The following KDM2B variants were observed in gnomAD, a reference collection of about 807,000 sequenced individuals.
The protein encoded by KDM2B is lysine-specific demethylase 2B.
KDM2B carries 26 observed loss-of-function variants against 150.0 expected under a neutral mutation model. That is an observed-to-expected ratio of 0.17 (90% confidence interval 0.13 to 0.24). The LOEUF (loss-of-function observed/expected upper bound fraction) is 0.24, where lower values mean the gene tolerates loss of function less well. Among genes scored for constraint, KDM2B ranks in the 10% least tolerant of loss-of-function variants. The probability of loss-of-function intolerance (pLI) is 1.00; values close to 1 mark genes in which losing one functional copy is unlikely to be tolerated. For synonymous variants in KDM2B, 734 were observed against 729.5 expected, an observed-to-expected ratio of 1.01 and a Z score of -0.10; for missense variants, 1,265 against 1,816.9, an observed-to-expected ratio of 0.70 and a Z score of 5.52.
intron 12 of KDM2B, among the ~76,000 whole-genome samples, chr12:121,470,867 G>C (rs782003762): frequency 1.3e-5 from 2 of 152,236 alleles, no homozygotes; most frequent in Non-Finnish European, 2.9e-5. Context: ...TAGCCAGGTT[G>C]CTGTCTGATC....
intron 12 of KDM2B, among the ~76,000 whole-genome samples, chr12:121,482,178 C>T (rs1259764612): frequency 6.6e-6 from 1 of 152,124 alleles, no homozygotes; most frequent in Non-Finnish European, 1.5e-5. Context: ...GTCAGGTGAA[C>T]GTAGTCTTGA....
the KDM2B span, among the ~76,000 whole-genome samples, chr12:121,419,580 G>A: frequency 7.2e-6 from 1 of 139,478 alleles, no homozygotes; most frequent in East Asian, 2.1e-4. Context: ...GGCAATCAGG[G>A]TGGAATATTT....
chr12:121,458,275 C>A (rs1397398414), intron 12 of KDM2B, among the ~76,000 whole-genome samples: 3 of 152,088 alleles, frequency 2.0e-5, no homozygotes, highest in Admixed American at 1.3e-4. Flanking sequence ...ACTCAGGAGG[C>A]TGAAGCTGGA....
chr12:121,543,079 G>C (rs2141848735), intron 6 of KDM2B, among the ~76,000 whole-genome samples: 1 of 152,336 alleles, frequency 6.6e-6, no homozygotes, highest in Non-Finnish European at 1.5e-5. Flanking sequence ...CCGGCGCAGT[G>C]GGTCATGGGT....
the KDM2B span, chr12:121,420,289 C>A: frequency 6.3e-7 from 1 of 1,592,946 alleles, no homozygotes; most frequent in African/African-American, 1.4e-5. Flanking sequence ...ATGATGACGA[C>A]GATGATGAGG....
downstream of KDM2B, among the ~76,000 whole-genome samples, chr12:121,428,098 GAGTT>G (rs1872601214): frequency 6.6e-6 from 1 of 152,188 alleles, no homozygotes; most frequent in Non-Finnish European, 1.5e-5. Flanking sequence ...GTGGATTCCT[GAGTT>G]AAATTCTGGG....
intron 22 of KDM2B, among the ~76,000 whole-genome samples, chr12:121,438,864 C>CTT (rs1555287415): frequency 1.3e-5 from 2 of 150,826 alleles, no homozygotes; most frequent in African/African-American, 4.9e-5. Context: ...TTCTTTTTCT[C>CTT]TTTCTTTTTT....
the KDM2B span, chr12:121,417,917 A>AG: frequency 4.3e-6 from 7 of 1,611,434 alleles, no homozygotes; most frequent in Non-Finnish European, 5.9e-6. The surrounding 1 kb of genome is among the most constrained non-coding windows in gnomAD (Gnocchi z 5.0). Context: ...CACAGGTACG[A>AG]GGGGGTAACT....
chr12:121,440,672 G>T, intron 21 of KDM2B, 144 bp downstream of exon 21: 2 of 806,392 alleles, frequency 2.5e-6, no homozygotes. Context: ...GATCCCCTCT[G>T]TGCCTGAAGC....
At chr12:121,565,142 A>G (rs1260923328) in intron 4 of KDM2B, among the ~76,000 whole-genome samples, 1 of 148,872 alleles carries the variant, frequency 6.7e-6, no homozygotes, top group African/African-American at 2.5e-5. Flanking sequence ...CTGAAAAGGA[A>G]ATCTTGGAAA....
At chr12:121,460,328 G>A (rs1555293565) in intron 12 of KDM2B, among the ~76,000 whole-genome samples, 1 of 152,230 alleles carries the variant, frequency 6.6e-6, no homozygotes. Flanking sequence ...TAACATCTAG[G>A]TTGAGGCAGG....
chr12:121,516,721 G>C (rs1228684464), intron 9 of KDM2B: 9 of 633,952 alleles, frequency 1.4e-5, no homozygotes, highest in Non-Finnish European at 2.5e-5. Context: ...CTTCCTCGGA[G>C]GTCCAAGTCA....
intron 11 of KDM2B, among the ~76,000 whole-genome samples, chr12:121,506,442 G>A (rs1004875008): frequency 7.2e-5 from 11 of 152,050 alleles, no homozygotes; most frequent in Admixed American, 3.3e-4. Context: ...CACTAGCAGC[G>A]GTCCCAATTT....
Position 121,442,734 on chromosome 12 carries a change from T to TG in KDM2B, c.2706dup (p.Lys903GlnfsTer76). 5 of 1,562,058 alleles carry TG rather than the reference T, an allele frequency of 3.2e-6. No homozygotes were observed. The highest frequency in any genetic ancestry group is 4.3e-6 in the Non-Finnish European group (5 of 1,158,254). ...CGGGAGTGGTCGCTCTCCCTGGTCT[T>TG]GGGGGGCGCCTCGGGCAGTTCGTCC... is the stretch of plus-strand genomic sequence containing the variant. On this transcript the variant is annotated frameshift_variant, in exon 19 of 23. Transcript: ENST00000377071. LOFTEE classifies it high-confidence loss of function. The surrounding 1 kb of genome is among the most constrained non-coding windows in gnomAD (Gnocchi z 7.7).
chr12:121,540,787 G>A (rs1888547211), intron 6 of KDM2B, among the ~76,000 whole-genome samples: 1 of 147,632 alleles, frequency 6.8e-6, no homozygotes. Context: ...AGTAGAGGAT[G>A]CCAGAATTCC....
chr12:121,447,669 C>A (rs1165255858), intron 13 of KDM2B, among the ~76,000 whole-genome samples: 1 of 150,704 alleles, frequency 6.6e-6, no homozygotes, highest in Non-Finnish European at 1.5e-5. Flanking sequence ...TTTCTTTTTT[C>A]TTATTTATTG....
rs1180847689 is a variant in KDM2B at position 121,567,706 on chromosome 12, C to CTTTT, written c.397+6837_397+6840dup. 4.3e-4 allele frequency among the ~76,000 whole-genome samples: 52 copies of CTTTT among 120,902 alleles called. 1 individual carries two copies. Among genetic ancestry groups the CTTTT allele is most frequent in the Non-Finnish European group, 5.0e-4 (29 of 58,292 alleles). 79.3% of individuals were successfully genotyped at this position (120,902 alleles called of 152,430 possible). ...TCCAGAATTGTCAGAAAATACATTT[C>CTTTT]TTTTTTTTTTTTTTTTTTTTTTGAG... On this transcript the variant is annotated intron_variant, in intron 4 of 22. Transcript: ENST00000377071.
At chr12:121,464,081 T>A (rs1432196606) in intron 12 of KDM2B, among the ~76,000 whole-genome samples, 2 of 151,924 alleles carry the variant, frequency 1.3e-5, no homozygotes, top group Admixed American at 6.6e-5. Context: ...AATAAAAAAA[T>A]TAGTAGCTGA....
In KDM2B at chr12:121,520,335, G is replaced by GT. The variant is rs1219841335; in HGVS notation, c.1047+649dup. Among the ~76,000 whole-genome samples, 3 of 152,130 alleles carry GT rather than the reference G, an allele frequency of 2.0e-5. No homozygotes were observed. The highest frequency in any genetic ancestry group is 4.4e-5 in the Non-Finnish European group (3 of 68,028). On this transcript the variant is annotated intron_variant, in intron 9 of 22. Transcript: ENST00000377071. This position sits in a 1 kb window ranked among gnomAD's most constrained non-coding sequence, Gnocchi z 4.5. Reference sequence around the variant, plus strand: ...CTTGTGGAGCGAAGGACACACATCAGTTACCTAAGCCTCCGCCCATGTTCG... The same window carrying GT: ...CTTGTGGAGCGAAGGACACACATCAGTTTACCTAAGCCTCCGCCCATGTTCG...
Sources: allele counts gnomAD v4.1 joint callset (sites outside exome capture counted in the v4.1 genomes callset), GRCh38; gene constraint gnomAD v4.1.1; non-coding constraint Gnocchi (gnomAD v3.1); transcripts MANE v1.5; gene names NCBI Gene and HGNC (gene_info 2026-07-23, HGNC 2026-07-21).